Variants in OOSP3 observed in about 807,000 individuals in gnomAD.
OOSP3 encodes the protein oocyte secreted protein family member 3.
chr11:59,892,711 A>T (rs1853323295), intron 2 of OOSP3, among the ~76,000 whole-genome samples: 1 of 152,086 alleles, frequency 6.6e-6, no homozygotes, highest in Admixed American at 6.6e-5. Flanking sequence ...AAAAAAAAAA[A>T]ATGACAATTC....
intron 4 of OOSP3, 31 bp downstream of exon 4, chr11:59,895,683 C>G (rs988931099): frequency 3.0e-5 from 12 of 398,106 alleles, no homozygotes; most frequent in Middle Eastern, 6.2e-4. Context: ...CAAAACATGG[C>G]AGTGTCCATG....
At chr11:59,891,467 C>G (rs1326316305) in intron 2 of OOSP3, among the ~76,000 whole-genome samples, 1 of 152,008 alleles carries the variant, frequency 6.6e-6, no homozygotes, top group African/African-American at 2.4e-5. Context: ...TTTGTGGGGT[C>G]TTTTTTTGTT....
chr11:59,890,309 T>A (rs1030194211), intron 2 of OOSP3, among the ~76,000 whole-genome samples: 8 of 152,210 alleles, frequency 5.3e-5, no homozygotes, highest in African/African-American at 1.9e-4. Context: ...GTGAATTTGG[T>A]CCTGTCATCA....
intron 2 of OOSP3, among the ~76,000 whole-genome samples, chr11:59,888,350 T>G (rs1173992867): frequency 6.6e-6 from 1 of 152,220 alleles, no homozygotes; most frequent in Non-Finnish European, 1.5e-5. Context: ...ATAAGAGTAC[T>G]GAGAGAGGGC....
chr11:59,885,129 A>G (rs1434446873), intron 2 of OOSP3, among the ~76,000 whole-genome samples: 2 of 152,166 alleles, frequency 1.3e-5, no homozygotes, highest in East Asian at 1.9e-4. Flanking sequence ...TGAGATGATC[A>G]TATGGGTTTT....
intron 2 of OOSP3, among the ~76,000 whole-genome samples, chr11:59,887,561 C>T (rs1853274535): frequency 6.6e-6 from 1 of 152,170 alleles, no homozygotes; most frequent in South Asian, 2.1e-4. Context: ...GAAATCCTTT[C>T]CCCATTGCTT....
At chr11:59,887,040 G>T (rs541843214) in intron 2 of OOSP3, among the ~76,000 whole-genome samples, 1 of 151,446 alleles carries the variant, frequency 6.6e-6, no homozygotes, top group South Asian at 2.1e-4. Context: ...AGTGATTCGT[G>T]TGCCTTGGCC....
chr11:59,890,629 T>C (rs140674665), intron 2 of OOSP3, among the ~76,000 whole-genome samples: 6 of 152,320 alleles, frequency 3.9e-5, no homozygotes, highest in African/African-American at 1.4e-4. Flanking sequence ...GCTTATAGGG[T>C]TTCCACTGAG....
At chr11:59,884,739 A>T (rs549157804) in intron 2 of OOSP3, among the ~76,000 whole-genome samples, 1 of 152,190 alleles carries the variant, frequency 6.6e-6, no homozygotes, top group East Asian at 1.9e-4. Context: ...CCTGACCTCA[A>T]GTGATCTGCC....
intron 3 of OOSP3, 133 bp downstream of exon 3, chr11:59,894,309 G>C (rs1853337691): frequency 1.0e-5 from 4 of 393,344 alleles, no homozygotes; most frequent in Admixed American, 4.4e-5. Context: ...TCTGTGCAAT[G>C]ATGAGGTATT....
At chr11:59,880,388 G>A (rs1048637438) in exon 2 of OOSP3, 10 of 398,400 alleles carry the variant, frequency 2.5e-5, no homozygotes, top group East Asian at 3.6e-5. Context: ...ATGTAACTGC[G>A]AAGGGATATG....
chr11:59,891,577 G>C (rs749459025), intron 2 of OOSP3, among the ~76,000 whole-genome samples: 1 of 152,138 alleles, frequency 6.6e-6, no homozygotes, highest in Non-Finnish European at 1.5e-5. Flanking sequence ...CTGTTTGCCT[G>C]GGTATCGCCT....
intron 2 of OOSP3, among the ~76,000 whole-genome samples, chr11:59,890,467 G>A (rs1022857758): frequency 1.4e-4 from 21 of 152,124 alleles, no homozygotes; most frequent in Non-Finnish European, 2.9e-5. Context: ...TGCAAGGAAG[G>A]CCTTCTGGTG....
chr11:59,880,835 T>C (rs1347942137), intron 2 of OOSP3, among the ~76,000 whole-genome samples: 1 of 152,162 alleles, frequency 6.6e-6, no homozygotes, highest in African/African-American at 2.4e-5. Flanking sequence ...TGTTGGTAAA[T>C]TGGGATTTAC....
chr11:59,895,526 C>T (rs1275033359), exon 4 of OOSP3: 2 of 398,276 alleles, frequency 5.0e-6, no homozygotes, highest in East Asian at 7.1e-5. Context: ...CCACTTCAAG[C>T]ACTATCCATA....
intron 2 of OOSP3, among the ~76,000 whole-genome samples, chr11:59,885,838 G>A (rs1853251532): frequency 6.6e-6 from 1 of 151,946 alleles, no homozygotes. Context: ...AGAATGAGTT[G>A]AATAATGTGC....
intron 2 of OOSP3, among the ~76,000 whole-genome samples, chr11:59,887,891 A>G (rs1413181262): frequency 1.3e-5 from 2 of 152,156 alleles, no homozygotes; most frequent in East Asian, 3.8e-4. Context: ...TGCTTTGGGC[A>G]GTTTGGGCAT....
rs1279342823 is a variant in OOSP3 at position 59,895,657 on chromosome 11, G to A, written c.501+5G>A. 1 of 398,172 alleles carries A rather than the reference G, an allele frequency of 2.5e-6. No individual in the cohort carries two copies. Among genetic ancestry groups the A allele is most frequent in the Non-Finnish European group, 4.4e-6 (1 of 225,894 alleles). 24.7% of individuals were successfully genotyped at this position (398,172 alleles called of 1,614,324 possible). ...CCATATTTTCAAAACTCCTCGGTGA[G>A]GATCCTTAGAAGAGACAAAACATGG... On this transcript the variant is annotated splice_donor_5th_base_variant and intron_variant, in intron 4 of 4. Coordinates refer to ENST00000646438, the Ensembl canonical transcript of OOSP3.
At chr11:59,883,748 T>C (rs1853224165) in intron 2 of OOSP3, among the ~76,000 whole-genome samples, 1 of 152,192 alleles carries the variant, frequency 6.6e-6, no homozygotes, top group African/African-American at 2.4e-5. Context: ...GACTGCACAA[T>C]AATCCTGTGA....
Sources: allele counts gnomAD v4.1 joint callset (sites outside exome capture counted in the v4.1 genomes callset), GRCh38; gene constraint gnomAD v4.1.1; transcripts MANE v1.5; gene names NCBI Gene and HGNC (gene_info 2026-07-23, HGNC 2026-07-21).